The following ASTN1 variants were observed in gnomAD, a reference collection of about 807,000 sequenced individuals.
ASTN1 encodes the protein astrotactin 1.
ASTN1 carries 41 observed loss-of-function variants against 140.7 expected under a neutral mutation model. The observed-to-expected ratio is 0.29, with a 90% confidence interval of 0.23 to 0.38. The LOEUF is 0.38. ASTN1 is among the 10% of genes least tolerant of loss of function. The pLI, the probability that ASTN1 is intolerant of heterozygous loss-of-function variation, is 1.00. For missense variants in ASTN1, 1,479 were observed against 1,678.8 expected (o/e 0.88, Z 2.08); for synonymous variants, 640 against 652.2 (o/e 0.98, Z 0.29).
intron 1 of ASTN1, among the ~76,000 whole-genome samples, chr1:177,149,307 AAT>A (rs531617501): frequency 0.037 from 3,160 of 85,762 alleles, 143 homozygotes; most frequent in Non-Finnish European, 0.048. Context: ...ATATATAGTA[AAT>A]ATATATATAG....
chr1:177,131,536 T>C (rs983194291), intron 1 of ASTN1, among the ~76,000 whole-genome samples: 6 of 152,180 alleles, frequency 3.9e-5, no homozygotes, highest in African/African-American at 1.4e-4. Flanking sequence ...TTACATTTTT[T>C]TTTTAGATTT....
intron 2 of ASTN1, among the ~76,000 whole-genome samples, chr1:177,057,085 T>C (rs1280853152): frequency 6.6e-6 from 1 of 152,204 alleles, no homozygotes. Context: ...TTAAAATACA[T>C]CATTTGACCC....
rs900087119 is a variant in ASTN1, at chr1:176,963,514, A to G, written c.1598+1649T>C. 1.1e-4 allele frequency among the ~76,000 whole-genome samples: 17 copies of G among 152,286 alleles called. 1 individual carries two copies. Among genetic ancestry groups the G allele is most frequent in the Admixed American group, 1.1e-3 (17 of 15,288 alleles). ...AACCCACTGGCTCCTGAGATATCTG[A>G]CCTCATGGGTCAAACCACACAACTG... On this transcript the variant is annotated intron_variant, in intron 9 of 22. Coordinates refer to ENST00000361833, the MANE Select transcript of ASTN1 (RefSeq NM_004319.3).
Position 177,054,107 on chromosome 1 carries a change from A to G in ASTN1, c.471+6971T>C, listed in dbSNP as rs921733509. On this transcript the variant is annotated intron_variant, in intron 2 of 22. Coordinates refer to ENST00000361833, the MANE Select transcript of ASTN1 (RefSeq NM_004319.3). ...TCAGGAGAGGAGTGCTTCTCAAAGT[A>G]TAGTATCTGGACTCTGTGGACTGCC... 2.0e-5 allele frequency among the ~76,000 whole-genome samples: 3 copies of G among 152,180 alleles called. 1 individual carries two copies. The highest frequency in any genetic ancestry group is 2.1e-4 in the South Asian group (1 of 4,828).
intron 2 of ASTN1, among the ~76,000 whole-genome samples, chr1:177,056,454 C>T (rs952104645): frequency 6.6e-6 from 1 of 151,998 alleles, no homozygotes; most frequent in Admixed American, 6.6e-5. Flanking sequence ...GCCAAGGAGC[C>T]ACAAACAGCT....
Position 176,884,543 on chromosome 1 carries a change from T to A in ASTN1, c.3075-53A>T, listed in dbSNP as rs940427686. The A allele has an allele frequency of 2.6e-6, 4 of 1,558,072 alleles. No homozygotes were observed. In the African/African-American group the frequency reaches 5.4e-5, roughly 21 times the overall value. The stretch of plus-strand genomic sequence containing the variant: ...ACAGGGACACAACTGTGACTCACTT[T>A]GGGCACTGACTACCTCAATTGTGAT... On this transcript the variant is annotated intron_variant, in intron 18 of 22. Coordinates refer to ENST00000361833, the MANE Select transcript of ASTN1 (RefSeq NM_004319.3).
chr1:176,899,125 A>G (rs1446701476), intron 16 of ASTN1, among the ~76,000 whole-genome samples: 1 of 152,246 alleles, frequency 6.6e-6, no homozygotes, highest in African/African-American at 2.4e-5. Context: ...AAAACTGCAA[A>G]GCATTTTGCA....
chr1:177,148,765 G>T (rs997994783), intron 1 of ASTN1, among the ~76,000 whole-genome samples: 1 of 151,606 alleles, frequency 6.6e-6, no homozygotes, highest in Non-Finnish European at 1.5e-5. Context: ...GCAACTGAAG[G>T]CCACTGAGAT....
At chr1:177,001,659 A>G (rs1406001026) in intron 8 of ASTN1, among the ~76,000 whole-genome samples, 1 of 152,184 alleles carries the variant, frequency 6.6e-6, no homozygotes, top group African/African-American at 2.4e-5. Flanking sequence ...AAAGATACAA[A>G]TGTGAGCAGG....
Position 177,083,241 on chromosome 1 carries a change from GGGCCATATGTT to G in ASTN1, c.284-21987_284-21977del, listed in dbSNP as rs1679266103. 2.0e-5 allele frequency among the ~76,000 whole-genome samples: 3 copies of G among 152,024 alleles called. No individual in the cohort carries two copies. The South Asian group carries it at 6.2e-4, about 32-fold the overall frequency. On this transcript the variant is annotated intron_variant, in intron 1 of 22. Coordinates refer to ENST00000361833, the MANE Select transcript of ASTN1 (RefSeq NM_004319.3). ...ATATTTTCCTCATTATGTGAGTCTA[GGGCCATATGTT>G]TTTGGTTGTCTGGGCAGAGTATAAA...
At chr1:176,999,278 G>A (rs190213873) in intron 8 of ASTN1, among the ~76,000 whole-genome samples, 3 of 152,306 alleles carry the variant, frequency 2.0e-5, no homozygotes, top group Admixed American at 6.5e-5. Flanking sequence ...ATGTCTAGGA[G>A]CTACAATCGA....
intron 8 of ASTN1, among the ~76,000 whole-genome samples, chr1:176,979,242 C>T (rs1392894612): frequency 6.6e-6 from 1 of 152,176 alleles, no homozygotes; most frequent in Non-Finnish European, 1.5e-5. Flanking sequence ...CCACACCAAC[C>T]TTGCCCATTG....
intron 8 of ASTN1, 67 bp downstream of exon 8, chr1:177,014,724 C>G (rs1675456087): frequency 9.0e-6 from 13 of 1,449,892 alleles, no homozygotes; most frequent in African/African-American, 1.4e-5. Context: ...TGCAGTTGCT[C>G]CACGTCATGT....
chr1:177,033,287 G>T (rs978534730), intron 2 of ASTN1, among the ~76,000 whole-genome samples: 2 of 151,942 alleles, frequency 1.3e-5, no homozygotes, highest in African/African-American at 4.8e-5. Flanking sequence ...CCTGTCTCAC[G>T]TCTAAACATC....
intron 1 of ASTN1, among the ~76,000 whole-genome samples, chr1:177,084,998 A>T (rs1329672701): frequency 6.6e-6 from 1 of 152,340 alleles, no homozygotes; most frequent in African/African-American, 2.4e-5. Flanking sequence ...CCTGCTGAAG[A>T]CATGGGTTGA....
chr1:176,862,432 G>A lies in ASTN1; in HGVS notation c.*1852C>T, dbSNP rs751422491. Reference sequence around the variant, plus strand: ...CTCCAAAGGCTAAGGGCGTACTTTCGCCCCTCCTCCTTCCACTGCACAGAG... The same window carrying A: ...CTCCAAAGGCTAAGGGCGTACTTTCACCCCTCCTCCTTCCACTGCACAGAG... On this transcript the variant is annotated 3_prime_UTR_variant, in exon 23 of 23. Coordinates refer to ENST00000361833, the MANE Select transcript of ASTN1 (RefSeq NM_004319.3). The A allele has an allele frequency of 9.1e-6, 9 of 985,218 alleles. No individual in the cohort carries two copies. The highest frequency in any genetic ancestry group is 9.4e-5 in the South Asian group (2 of 21,270). 61.0% of individuals were successfully genotyped at this position (985,218 alleles called of 1,614,324 possible).
chr1:177,119,376 T>C lies in ASTN1; in HGVS notation c.283+45018A>G, dbSNP rs188234781. On this transcript the variant is annotated intron_variant, in intron 1 of 22. Transcript: ENST00000361833. ...ATTGTTACATACCTCCATGTGTATA[T>C]ACTTAATGTTAATAATCCAGGAAAC... 1.2e-3 allele frequency among the ~76,000 whole-genome samples: 183 copies of C among 152,330 alleles called. 1 individual carries two copies. Among genetic ancestry groups the C allele is most frequent in the African/African-American group, 4.3e-3 (178 of 41,578 alleles).
chr1:176,939,694 A>G (rs1671631207), intron 14 of ASTN1, among the ~76,000 whole-genome samples: 1 of 152,032 alleles, frequency 6.6e-6, no homozygotes. Context: ...AGTATCTCTG[A>G]CTATGTTTTT....
rs1352214959 is a variant in ASTN1, at chr1:176,943,837, T to C, written c.2377+54A>G. 3.3e-6 allele frequency: 5 copies of C among 1,520,322 alleles called. No individual in the cohort carries two copies. The Admixed American group carries it at 9.2e-5, about 28-fold the overall frequency. 94.2% of individuals were successfully genotyped at this position (1,520,322 alleles called of 1,614,324 possible). Reference sequence around the variant, plus strand: ...AGGTCAAATCTTAATTTTATGAAACTGCAGGGAGCTGCCTGTTTGTGCCAG... The same window carrying C: ...AGGTCAAATCTTAATTTTATGAAACCGCAGGGAGCTGCCTGTTTGTGCCAG... On this transcript the variant is annotated intron_variant, in intron 14 of 22. Coordinates refer to ENST00000361833, the MANE Select transcript of ASTN1 (RefSeq NM_004319.3).
Sources: allele counts gnomAD v4.1 joint callset (sites outside exome capture counted in the v4.1 genomes callset), GRCh38; gene constraint gnomAD v4.1.1; transcripts MANE v1.5; gene names NCBI Gene and HGNC (gene_info 2026-07-23, HGNC 2026-07-21).